TIAM1: variants seen among roughly 807,000 people sequenced by gnomAD.
TIAM1 encodes the protein TIAM Rac1 associated GEF 1, also known as rho guanine nucleotide exchange factor TIAM1.
A neutral mutation model predicts 163.5 loss-of-function variants in TIAM1; 65 were observed. That is an observed-to-expected ratio of 0.40 (90% CI 0.33 to 0.49). The LOEUF (loss-of-function observed/expected upper bound fraction) is 0.49. Among genes scored for constraint, TIAM1 ranks in the 20% least tolerant of loss-of-function variants. TIAM1 has a pLI of 0.77. For synonymous variants in TIAM1, 833 were observed against 810.1 expected, an observed-to-expected ratio of 1.03 and a Z score of -0.48; for missense variants, 1,789 against 2,044.7, an observed-to-expected ratio of 0.87 and a Z score of 2.41.
chr21:31,382,898 C>T (rs2076802170), intron 2 of TIAM1, among the ~76,000 whole-genome samples: 1 of 152,178 alleles, frequency 6.6e-6, no homozygotes, highest in African/African-American at 2.4e-5. Flanking sequence ...TACCATTATG[C>T]ACTTAGGTTT....
At chr21:31,233,598 GGGA>G (rs1276914535) in intron 6 of TIAM1, among the ~76,000 whole-genome samples, 2 of 152,150 alleles carry the variant, frequency 1.3e-5, no homozygotes, top group African/African-American at 4.8e-5. Context: ...TAAGCTACTT[GGGA>G]GGCTGAGGCA....
intron 2 of TIAM1, among the ~76,000 whole-genome samples, chr21:31,437,790 G>A (rs112673199): frequency 0.098 from 14,972 of 152,088 alleles, 1,363 homozygotes; most frequent in African/African-American, 0.24. Flanking sequence ...TAAGTTTCCC[G>A]AGATCCCCCA....
intron 2 of TIAM1, among the ~76,000 whole-genome samples, chr21:31,355,173 C>CA (rs35512560): frequency 0.01 from 1,321 of 128,546 alleles, 13 homozygotes; most frequent in African/African-American, 0.028. Context: ...CCCCCACCAC[C>CA]AAAAAAAAAA....
chr21:31,282,051 C>A (rs906243937), intron 2 of TIAM1, among the ~76,000 whole-genome samples: 1 of 152,158 alleles, frequency 6.6e-6, no homozygotes, highest in Admixed American at 6.5e-5. Context: ...ATGAGGGTAA[C>A]CATGAATATC....
chr21:31,217,793 C>T (rs2087306531), intron 8 of TIAM1, 94 bp from the exon 9 acceptor site: 1 of 1,483,014 alleles, frequency 6.7e-7, no homozygotes. Flanking sequence ...CTTCAAAAAA[C>T]CCTCCTCCAT....
At chr21:31,506,969 C>T (rs569251478) in intron 1 of TIAM1, among the ~76,000 whole-genome samples, 2 of 152,148 alleles carry the variant, frequency 1.3e-5, no homozygotes, top group Admixed American at 6.5e-5. Context: ...TTCCACTGTA[C>T]GTATACACAT....
intron 2 of TIAM1, among the ~76,000 whole-genome samples, chr21:31,356,650 C>T (rs904505369): frequency 6.6e-5 from 10 of 152,256 alleles, no homozygotes; most frequent in Non-Finnish European, 1.3e-4. Flanking sequence ...TCACTAAACA[C>T]TCAATCTGCT....
intron 8 of TIAM1, among the ~76,000 whole-genome samples, chr21:31,221,893 T>C (rs909403519): frequency 3.9e-5 from 6 of 152,138 alleles, no homozygotes; most frequent in South Asian, 2.1e-4. Context: ...CTCCAAGAAA[T>C]AGATCTGGAG....
intron 2 of TIAM1, among the ~76,000 whole-genome samples, chr21:31,400,719 T>A (rs2077150377): frequency 6.6e-6 from 1 of 152,192 alleles, no homozygotes; most frequent in Non-Finnish European, 1.5e-5. Flanking sequence ...CCCAGTCCTC[T>A]TCTCTGTCTT....
intron 2 of TIAM1, among the ~76,000 whole-genome samples, chr21:31,401,716 A>G (rs2077167137): frequency 6.6e-6 from 1 of 152,038 alleles, no homozygotes; most frequent in Non-Finnish European, 1.5e-5. Flanking sequence ...TGAGCCCAGG[A>G]GTTCGAGACC....
At chr21:31,489,478 G>C (rs924003356) in intron 1 of TIAM1, among the ~76,000 whole-genome samples, 1 of 90,262 alleles carries the variant, frequency 1.1e-5, no homozygotes, top group African/African-American at 5.4e-5. Flanking sequence ...GTGAGAAGGA[G>C]ATGAAAGAAA....
intron 2 of TIAM1, among the ~76,000 whole-genome samples, chr21:31,439,595 T>C (rs1421364172): frequency 2.0e-5 from 3 of 152,226 alleles, no homozygotes; most frequent in Non-Finnish European, 4.4e-5. Flanking sequence ...CATACAGTAT[T>C]GTATTCTTTA....
chr21:31,174,669 G>C (rs1047073526), intron 15 of TIAM1, among the ~76,000 whole-genome samples: 3 of 152,000 alleles, frequency 2.0e-5, no homozygotes, highest in African/African-American at 7.2e-5. Context: ...TTTTTTGAGA[G>C]AGAGTTTCGC....
chr21:31,251,320 T>A (rs1257636215), intron 5 of TIAM1, among the ~76,000 whole-genome samples: 1 of 152,160 alleles, frequency 6.6e-6, no homozygotes, highest in Admixed American at 6.6e-5. Context: ...GGGCATAAAG[T>A]TTCACTTAAG....
intron 2 of TIAM1, among the ~76,000 whole-genome samples, chr21:31,324,390 A>G (rs190105963): frequency 3.1e-4 from 47 of 152,314 alleles, no homozygotes; most frequent in African/African-American, 1.0e-3. Flanking sequence ...TTATGGGCAG[A>G]GGGATGCTGT....
chr21:31,391,796 A>G (rs1205851522), intron 2 of TIAM1, among the ~76,000 whole-genome samples: 1 of 152,234 alleles, frequency 6.6e-6, no homozygotes, highest in East Asian at 1.9e-4. Flanking sequence ...AAAAGAGACC[A>G]TGAATACCTA....
intron 2 of TIAM1, among the ~76,000 whole-genome samples, chr21:31,385,690 T>G (rs1442924879): frequency 6.7e-6 from 1 of 148,976 alleles, no homozygotes; most frequent in Non-Finnish European, 1.5e-5. Flanking sequence ...AATTTGTGCT[T>G]TAAAAAATAT....
rs546375124 is a variant in TIAM1 at position 31,548,252 on chromosome 21, G to A, written c.-422+10675C>T. On this transcript the variant is annotated intron_variant, in intron 1 of 28. Transcript: ENST00000286827. The stretch of plus-strand genomic sequence containing the variant: ...CCTCCTGGGTTCAAGCAATTCTCAT[G>A]TGCCTCAGTCTCCTCAGTAGCTGAG... Among the ~76,000 whole-genome samples the A allele has an allele frequency of 1.9e-4, 27 of 145,012 alleles. No homozygotes were observed. In the East Asian group the frequency reaches 4.8e-3, roughly 26 times the overall value.
intron 2 of TIAM1, among the ~76,000 whole-genome samples, chr21:31,323,683 T>G (rs1474671214): frequency 6.6e-6 from 1 of 151,690 alleles, no homozygotes; most frequent in South Asian, 2.1e-4. Flanking sequence ...ATAAAAAAAT[T>G]AGCTGGGTAT....
Sources: gnomAD v4.1 joint callset for allele counts (sites outside exome capture counted in the v4.1 genomes callset) on GRCh38, gnomAD v4.1.1 for gene constraint, MANE v1.5 for transcripts, NCBI Gene and HGNC (gene_info 2026-07-23, HGNC 2026-07-21) for gene names.